The following DPH6 variants were observed in gnomAD, a reference collection of about 807,000 sequenced individuals.
DPH6 encodes the protein diphthine--ammonia ligase.
A neutral mutation model predicts 38.2 loss-of-function variants in DPH6; 33 were observed. That is an observed-to-expected ratio of 0.86 (90% CI 0.65 to 1.15). The LOEUF (loss-of-function observed/expected upper bound fraction) is 1.15. DPH6 is among the 50% of genes most tolerant of loss of function. The pLI, the probability that DPH6 is intolerant of heterozygous loss-of-function variation, is 0.00. For missense variants in DPH6, 325 were observed against 320.0 expected, an observed-to-expected ratio of 1.02 and a Z score of -0.12; for synonymous variants, 108 against 103.0, an observed-to-expected ratio of 1.05 and a Z score of -0.30.
chr15:35,477,696 T>C (rs535676730), intron 3 of DPH6, among the ~76,000 whole-genome samples: 1 of 152,038 alleles, frequency 6.6e-6, no homozygotes, highest in South Asian at 2.1e-4. Context: ...TAAAATGTTT[T>C]CACTGGCCAA....
At chr15:35,199,214 A>G in the DPH6 span, among the ~76,000 whole-genome samples, 1 of 152,170 alleles carries the variant, frequency 6.6e-6, no homozygotes, top group African/African-American at 2.4e-5. Flanking sequence ...CGCCCAGCGA[A>G]TTTGTTGTCT....
At chr15:35,278,319 C>T (rs150002737) in intron 3 of DPH6, among the ~76,000 whole-genome samples, 2 of 152,220 alleles carry the variant, frequency 1.3e-5, no homozygotes, top group African/African-American at 4.8e-5. Context: ...AGGCCGTAAT[C>T]CTTGGCAGCT....
intron 3 of DPH6, among the ~76,000 whole-genome samples, chr15:35,243,174 C>T (rs1332543280): frequency 1.4e-5 from 2 of 141,826 alleles, no homozygotes; most frequent in African/African-American, 5.1e-5. Flanking sequence ...AATAATTCTA[C>T]ATGACAAATG....
At chr15:35,242,177 A>C (rs2051604873) in intron 3 of DPH6, among the ~76,000 whole-genome samples, 1 of 144,360 alleles carries the variant, frequency 6.9e-6, no homozygotes, top group Non-Finnish European at 1.5e-5. Flanking sequence ...AGTCAAGCCC[A>C]AATTTCATCC....
At chr15:35,189,238 T>C in the DPH6 span, among the ~76,000 whole-genome samples, 1 of 152,222 alleles carries the variant, frequency 6.6e-6, no homozygotes, top group African/African-American at 2.4e-5. Context: ...TCTCTTGGTG[T>C]CCTTTACCCT....
Position 35,370,894 on chromosome 15 carries a change from T to C in DPH6, c.*1256A>G, listed in dbSNP as rs750145424. 2 of 151,752 alleles carry C rather than the reference T, an allele frequency of 1.3e-5. No homozygotes were observed. Among genetic ancestry groups the C allele is most frequent in the African/African-American group, 2.4e-5 (1 of 41,404 alleles). 9.4% of individuals were successfully genotyped at this position (151,752 alleles called of 1,614,324 possible). A position where few individuals can be genotyped will look rare whatever the true frequency, so the allele number is the denominator to read the frequency against. On this transcript the variant is annotated 3_prime_UTR_variant, in exon 9 of 9. Transcript: ENST00000256538. Reference sequence around the variant, plus strand: ...ACAAAAACCTGTTCATGGATGTTTATAGTCGCTTTATTCATAATCGCCAAA... The same window carrying C: ...ACAAAAACCTGTTCATGGATGTTTACAGTCGCTTTATTCATAATCGCCAAA...
chr15:35,534,023 T>A (rs2055128940), intron 3 of DPH6, among the ~76,000 whole-genome samples: 1 of 151,038 alleles, frequency 6.6e-6, no homozygotes, highest in African/African-American at 2.4e-5. Context: ...AACCAAAACA[T>A]CAGAGAAAAG....
At chr15:35,333,803 T>C (rs2052345918) in intron 3 of DPH6, among the ~76,000 whole-genome samples, 1 of 152,140 alleles carries the variant, frequency 6.6e-6, no homozygotes, top group Non-Finnish European at 1.5e-5. Flanking sequence ...TAAATTATTC[T>C]ATTATAAAGA....
chr15:35,391,683 C>T lies in DPH6; in HGVS notation c.568-9767G>A, dbSNP rs376208557. Among the ~76,000 whole-genome samples the T allele has an allele frequency of 2.8e-4, 42 of 152,280 alleles. 1 individual carries two copies. In the East Asian group the frequency reaches 7.0e-3, roughly 25 times the overall value. On this transcript the variant is annotated intron_variant, in intron 6 of 8. Transcript: ENST00000256538. ...CTCCTGGTGTGCAGTTTGTTAAGCCCGTTGGAAAAGCGCAGTATTAGGGTG... is the reference window on the plus strand; with the variant it reads ...CTCCTGGTGTGCAGTTTGTTAAGCCTGTTGGAAAAGCGCAGTATTAGGGTG...
intron 3 of DPH6, among the ~76,000 whole-genome samples, chr15:35,235,058 G>A (rs2051541791): frequency 6.6e-6 from 1 of 152,146 alleles, no homozygotes; most frequent in African/African-American, 2.4e-5. Flanking sequence ...TCTATCTCTG[G>A]TATCTGGGAA....
intron 3 of DPH6, among the ~76,000 whole-genome samples, chr15:35,498,071 T>C (rs1403745954): frequency 6.6e-6 from 1 of 152,214 alleles, no homozygotes; most frequent in African/African-American, 2.4e-5. Flanking sequence ...CAGACTATTA[T>C]GCACAGCACT....
chr15:35,360,584 G>A (rs1284541014), intron 3 of DPH6, among the ~76,000 whole-genome samples: 1 of 152,134 alleles, frequency 6.6e-6, no homozygotes, highest in Non-Finnish European at 1.5e-5. Context: ...TAACATATGT[G>A]GGTAGCACTG....
At chr15:35,342,668 A>G (rs1356353228) in intron 3 of DPH6, among the ~76,000 whole-genome samples, 1 of 152,224 alleles carries the variant, frequency 6.6e-6, no homozygotes, top group African/African-American at 2.4e-5. Flanking sequence ...TTTCATATCA[A>G]AACATAGTGT....
chr15:35,170,662 TAAA>T, the DPH6 span, among the ~76,000 whole-genome samples: 5 of 152,298 alleles, frequency 3.3e-5, no homozygotes, highest in Admixed American at 3.3e-4. Flanking sequence ...TGGAATATAA[TAAA>T]GAAGGTTGTT....
chr15:35,338,367 C>T (rs1465359785), intron 3 of DPH6, among the ~76,000 whole-genome samples: 5 of 152,060 alleles, frequency 3.3e-5, no homozygotes, highest in South Asian at 2.1e-4. Context: ...AAAAAGTGGG[C>T]GAAGGACATG....
intron 3 of DPH6, among the ~76,000 whole-genome samples, chr15:35,474,813 G>A (rs1274114243): frequency 6.6e-6 from 1 of 151,896 alleles, no homozygotes; most frequent in African/African-American, 2.4e-5. Context: ...ATTAAGAGTT[G>A]GGATATAAAA....
chr15:35,522,361 T>C, intron 3 of DPH6: 1 of 1,363,554 alleles, frequency 7.3e-7, no homozygotes, highest in African/African-American at 1.4e-5. Flanking sequence ...TTACCATCTT[T>C]CACCACCAGT....
chr15:35,329,185 A>G (rs184375141), downstream of DPH6, among the ~76,000 whole-genome samples: 1 of 152,356 alleles, frequency 6.6e-6, no homozygotes, highest in African/African-American at 2.4e-5. Flanking sequence ...CTTAAGCATG[A>G]TAATCTATAA....
intron 6 of DPH6, among the ~76,000 whole-genome samples, chr15:35,384,121 G>A (rs542661750): frequency 1.3e-5 from 2 of 152,282 alleles, no homozygotes; most frequent in South Asian, 4.1e-4. Context: ...TCTCAGGTCT[G>A]TCTCTGGCTT....
Sources: allele counts gnomAD v4.1 joint callset (sites outside exome capture counted in the v4.1 genomes callset), GRCh38; gene constraint gnomAD v4.1.1; transcripts MANE v1.5; gene names NCBI Gene and HGNC (gene_info 2026-07-23, HGNC 2026-07-21).